PXDC1: variants seen among roughly 807,000 people sequenced by gnomAD.
The protein encoded by PXDC1 is PX domain containing 1, also known as PX domain-containing protein 1.
A neutral mutation model predicts 24.4 loss-of-function variants in PXDC1; 13 were observed. The ratio of observed to expected loss-of-function variants is 0.53; its 90% CI spans 0.35 to 0.85. PXDC1 has a LOEUF of 0.85. PXDC1 is among the 40% of genes least tolerant of loss of function. The probability of loss-of-function intolerance (pLI) is 0.01; values close to 1 mark genes in which losing one functional copy is unlikely to be tolerated. For missense variants in PXDC1, 344 were observed against 309.3 expected, an observed-to-expected ratio of 1.11 and a Z score of -0.84; for synonymous variants, 162 against 124.9, an observed-to-expected ratio of 1.30 and a Z score of -1.98.
At chr6:3,743,370 A>G (rs1232181218) in intron 1 of PXDC1, among the ~76,000 whole-genome samples, 1 of 152,092 alleles carries the variant, frequency 6.6e-6, no homozygotes, top group Non-Finnish European at 1.5e-5. Flanking sequence ...ACTGAGTCAA[A>G]CCATAAATTA....
rs186345150 is a variant in PXDC1, at chr6:3,737,412, C to T, written c.349-216G>A. On this transcript the variant is annotated intron_variant, in intron 2 of 4. Transcript: ENST00000380283. This position sits in a 1 kb window ranked among gnomAD's most constrained non-coding sequence, Gnocchi z 5.5. Reference sequence around the variant, plus strand: ...TGGCCCAGGCGGCTGAAAGGCAAGGCCTCAGCGACCTGGGCAGTGGAGGGA... The same window carrying T: ...TGGCCCAGGCGGCTGAAAGGCAAGGTCTCAGCGACCTGGGCAGTGGAGGGA... 1.3e-4 allele frequency among the ~76,000 whole-genome samples: 20 copies of T among 152,346 alleles called. No homozygotes were observed. The highest frequency in any genetic ancestry group is 2.4e-4 in the Non-Finnish European group (16 of 68,034).
chr6:3,743,118 C>T (rs965474043), intron 1 of PXDC1, among the ~76,000 whole-genome samples: 4 of 152,168 alleles, frequency 2.6e-5, no homozygotes, highest in Admixed American at 2.6e-4. Flanking sequence ...TCAACACTTG[C>T]GGTAACTGGC....
At chr6:3,738,542 C>T (rs1377568213) in intron 1 of PXDC1, among the ~76,000 whole-genome samples, 1 of 152,210 alleles carries the variant, frequency 6.6e-6, no homozygotes, top group Non-Finnish European at 1.5e-5. Flanking sequence ...ACCAGCCCAC[C>T]CCCAGTGACA....
chr6:3,737,834 G>T lies in PXDC1; in HGVS notation c.348+223C>A. On this transcript the variant is annotated intron_variant, in intron 2 of 4. Transcript: ENST00000380283. The surrounding 1 kb of genome is among the most constrained non-coding windows in gnomAD (Gnocchi z 5.5). The stretch of plus-strand genomic sequence containing the variant: ...TCATTTTCACTCTTTCCCCAGGGAG[G>T]AAAAACCGGGGCCACTGGAGCCCAT... The T allele has an allele frequency of 2.8e-6, 1 of 359,550 alleles. No homozygotes were observed. Among genetic ancestry groups the T allele is most frequent in the Non-Finnish European group, 3.9e-6 (1 of 258,242 alleles). The allele number at this position is 359,550 out of a possible 1,614,324, so 22.3% of individuals were successfully genotyped here. A position where few individuals can be genotyped will look rare whatever the true frequency, so the allele number is the denominator to read the frequency against.
At chr6:3,736,271 G>T (rs1445017116) in intron 3 of PXDC1, among the ~76,000 whole-genome samples, 1 of 152,032 alleles carries the variant, frequency 6.6e-6, no homozygotes, top group Non-Finnish European at 1.5e-5. Flanking sequence ...TTCAGAAACG[G>T]AATGATGGAC....
Position 3,723,481 on chromosome 6 carries a change from C to T in PXDC1, c.*138G>A. On this transcript the variant is annotated 3_prime_UTR_variant, in exon 5 of 5. Transcript: ENST00000380283. The stretch of plus-strand genomic sequence containing the variant: ...CTGCTCCACTTGCAGGACACCCAGG[C>T]CTCCTGGCGTCAGTGGGGCCTGGGA... The T allele has an allele frequency of 5.6e-6, 4 of 709,904 alleles. No individual in the cohort carries two copies. The East Asian group carries it at 9.9e-5, about 18-fold the overall frequency. 44.0% of individuals were successfully genotyped at this position (709,904 alleles called of 1,614,324 possible). A position where few individuals can be genotyped will look rare whatever the true frequency, so the allele number is the denominator to read the frequency against.
At chr6:3,744,588 T>A (rs1195149867) in intron 1 of PXDC1, among the ~76,000 whole-genome samples, 1 of 152,196 alleles carries the variant, frequency 6.6e-6, no homozygotes, top group South Asian at 2.1e-4. Context: ...AGGACAAGCG[T>A]GGTCTCACAA....
intron 1 of PXDC1, among the ~76,000 whole-genome samples, chr6:3,739,524 G>A (rs2127600762): frequency 6.6e-6 from 1 of 152,370 alleles, no homozygotes; most frequent in East Asian, 1.9e-4. Context: ...GAGGGGCAGG[G>A]TCCGTGGTCT....
At chr6:3,727,270 G>C (rs1760089634) in intron 4 of PXDC1, among the ~76,000 whole-genome samples, 1 of 152,174 alleles carries the variant, frequency 6.6e-6, no homozygotes, top group South Asian at 2.1e-4. Context: ...CCTGGAGACA[G>C]CATCACACCC....
chr6:3,738,256 T>C, intron 1 of PXDC1, 108 bp from the exon 2 acceptor site: 1 of 815,924 alleles, frequency 1.2e-6, no homozygotes. Context: ...TCATCTGTAA[T>C]GAGATGTCGG....
At chr6:3,733,061 G>A (rs749202544) in intron 3 of PXDC1, among the ~76,000 whole-genome samples, 22 of 152,240 alleles carry the variant, frequency 1.4e-4, no homozygotes, top group African/African-American at 2.2e-4. Context: ...AAAGGCTAGC[G>A]TGGGCTAGGC....
intron 3 of PXDC1, among the ~76,000 whole-genome samples, chr6:3,736,144 T>G (rs1760309849): frequency 6.6e-6 from 1 of 152,184 alleles, no homozygotes; most frequent in Non-Finnish European, 1.5e-5. Context: ...CCCACTGTCC[T>G]CTGGTCTCCC....
chr6:3,744,900 A>G (rs1760531670), intron 1 of PXDC1, among the ~76,000 whole-genome samples: 1 of 152,192 alleles, frequency 6.6e-6, no homozygotes, highest in South Asian at 2.1e-4. Flanking sequence ...GGGTTTCACC[A>G]CGTCGGCCAG....
In PXDC1 at chr6:3,723,372, T is replaced by C; in HGVS notation, c.*247A>G. 1 of 546,356 alleles carries C rather than the reference T, an allele frequency of 1.8e-6. No homozygotes were observed. Among genetic ancestry groups the C allele is most frequent in the African/African-American group, 1.9e-5 (1 of 53,274 alleles). The allele number at this position is 546,356 out of a possible 1,614,324, so 33.8% of individuals were successfully genotyped here. A position where few individuals can be genotyped will look rare whatever the true frequency, so the allele number is the denominator to read the frequency against. The stretch of plus-strand genomic sequence containing the variant: ...GGCACCAAGCAGGGAGTGAAGACCC[T>C]CAGAACACAGGCCCTGTGGCCTCCG... On this transcript the variant is annotated 3_prime_UTR_variant, in exon 5 of 5. Coordinates refer to ENST00000380283, the MANE Select transcript of PXDC1 (RefSeq NM_183373.4).
At chr6:3,751,237 C>T (rs1381499316) in intron 1 of PXDC1, 39 bp downstream of exon 1, 3 of 1,401,326 alleles carry the variant, frequency 2.1e-6, no homozygotes, top group Admixed American at 5.7e-5. Flanking sequence ...TTCAAGGCTG[C>T]CTCGGCCCCG....
chr6:3,733,508 G>T (rs1760247903), intron 3 of PXDC1, among the ~76,000 whole-genome samples: 2 of 152,150 alleles, frequency 1.3e-5, no homozygotes, highest in African/African-American at 4.8e-5. Context: ...ACACAGTGAG[G>T]GGCGAGCTAG....
chr6:3,747,592 C>T (rs1473273713), intron 1 of PXDC1, among the ~76,000 whole-genome samples: 1 of 152,204 alleles, frequency 6.6e-6, no homozygotes, highest in Non-Finnish European at 1.5e-5. Context: ...CTTCCCCAGG[C>T]ACCCAATGGC....
chr6:3,751,250 C>T, intron 1 of PXDC1, 26 bp downstream of exon 1: 2 of 1,438,732 alleles, frequency 1.4e-6, no homozygotes, highest in East Asian at 2.7e-5. Context: ...CGGCCCCGCG[C>T]CCCTCCCGCG....
In PXDC1 at chr6:3,725,617, T is replaced by C. The variant is rs1760046040; in HGVS notation, c.579-1881A>G. On this transcript the variant is annotated intron_variant, in intron 4 of 4. Coordinates refer to ENST00000380283, the MANE Select transcript of PXDC1 (RefSeq NM_183373.4). The surrounding 1 kb of genome is among the most constrained non-coding windows in gnomAD (Gnocchi z 4.8). ...ACAGGCTCGGGCCAGACAATCAGCC[T>C]CGGGTGCCAGGGAGGACAGCCACGC... is the stretch of plus-strand genomic sequence containing the variant. Among the ~76,000 whole-genome samples the C allele has an allele frequency of 6.6e-6, 1 of 152,154 alleles. No individual in the cohort carries two copies. Among genetic ancestry groups the C allele is most frequent in the Non-Finnish European group, 1.5e-5 (1 of 68,028 alleles).
Sources: allele counts gnomAD v4.1 joint callset (sites outside exome capture counted in the v4.1 genomes callset), GRCh38; gene constraint gnomAD v4.1.1; non-coding constraint Gnocchi (gnomAD v3.1); transcripts MANE v1.5; gene names NCBI Gene and HGNC (gene_info 2026-07-23, HGNC 2026-07-21).